SASH1: variants seen among roughly 807,000 people sequenced by gnomAD.
SASH1 encodes SAM and SH3 domain-containing protein 1.
In SASH1, 44 loss-of-function variants were observed where a neutral mutation model predicts 125.2. That is an observed-to-expected ratio of 0.35 (90% CI 0.28 to 0.45). The LOEUF is 0.45. Ranked by LOEUF, SASH1 falls within the 20% of genes least tolerant of loss-of-function variation. SASH1 has a pLI of 1.00. For missense variants in SASH1, 1,426 were observed against 1,614.5 expected, an observed-to-expected ratio of 0.88 and a Z score of 2.00; for synonymous variants, 639 against 649.1, an observed-to-expected ratio of 0.98 and a Z score of 0.24.
At chr6:148,402,524 G>T (rs902440508) in intron 2 of SASH1, among the ~76,000 whole-genome samples, 6 of 152,152 alleles carry the variant, frequency 3.9e-5, no homozygotes, top group Middle Eastern at 6.8e-3. Flanking sequence ...GGCCAGGCTG[G>T]TCTCAAACAT....
At chr6:148,249,348 A>G in the SASH1 span, among the ~76,000 whole-genome samples, 7 of 148 alleles carry the variant, frequency 0.047, no homozygotes, top group South Asian at 0.12. Flanking sequence ...GTGTGTGTGC[A>G]TGCATCACAC....
At chr6:148,437,183 G>T (rs985694909) in intron 2 of SASH1, among the ~76,000 whole-genome samples, 25 of 152,152 alleles carry the variant, frequency 1.6e-4, no homozygotes, top group Admixed American at 1.6e-3. Context: ...TTATAATAAC[G>T]GAATTTTGCC....
intron 8 of SASH1, among the ~76,000 whole-genome samples, chr6:148,507,636 G>C (rs1779876634): frequency 6.6e-6 from 1 of 152,170 alleles, no homozygotes. Flanking sequence ...TGGAATTACA[G>C]GCGTGAGCCA....
At chr6:148,428,112 T>G (rs993867854) in intron 2 of SASH1, among the ~76,000 whole-genome samples, 1 of 152,238 alleles carries the variant, frequency 6.6e-6, no homozygotes, top group African/African-American at 2.4e-5. Flanking sequence ...GTTGTCTGTC[T>G]GTACTGTAGC....
the SASH1 span, among the ~76,000 whole-genome samples, chr6:148,253,573 T>C: frequency 6.6e-6 from 1 of 151,836 alleles, no homozygotes; most frequent in East Asian, 1.9e-4. Flanking sequence ...AAAACCTTTG[T>C]ACTTTAAAAG....
the SASH1 span, among the ~76,000 whole-genome samples, chr6:148,256,255 G>A: frequency 1.3e-5 from 2 of 152,130 alleles, no homozygotes; most frequent in Non-Finnish European, 2.9e-5. Flanking sequence ...ACTCAACAAA[G>A]ATATAACTCA....
At chr6:148,257,122 T>C in the SASH1 span, among the ~76,000 whole-genome samples, 24 of 152,134 alleles carry the variant, frequency 1.6e-4, no homozygotes, top group African/African-American at 5.6e-4. Flanking sequence ...AAAGAAGTCA[T>C]TGGTGAAGTC....
chr6:148,540,761 C>A (rs368034767), intron 17 of SASH1, among the ~76,000 whole-genome samples: 2 of 152,124 alleles, frequency 1.3e-5, no homozygotes, highest in South Asian at 2.1e-4. Context: ...GTGTCAAATA[C>A]CTGCAGCTGT....
Position 148,527,167 on chromosome 6 carries a change from C to A in SASH1, c.1285-286C>A, listed in dbSNP as rs1781227111. 1.8e-5 allele frequency: 5 copies of A among 270,328 alleles called. No homozygotes were observed. In the South Asian group the frequency reaches 3.0e-4, roughly 16 times the overall value. The allele number at this position is 270,328 out of a possible 1,614,324, so 16.7% of individuals were successfully genotyped here. A position where few individuals can be genotyped will look rare whatever the true frequency, so the allele number is the denominator to read the frequency against. ...CACTCTTTACTGATGAAATGCAGCCCCCTTGGATGTTAAAAATAGTGGAAA... is the reference window on the plus strand; with the variant it reads ...CACTCTTTACTGATGAAATGCAGCCACCTTGGATGTTAAAAATAGTGGAAA... On this transcript the variant is annotated intron_variant, in intron 11 of 19. Coordinates refer to ENST00000367467, the MANE Select transcript of SASH1 (RefSeq NM_015278.5).
At chr6:148,536,261 A>G (rs540344976) in intron 16 of SASH1, among the ~76,000 whole-genome samples, 1 of 152,294 alleles carries the variant, frequency 6.6e-6, no homozygotes, top group South Asian at 2.1e-4. Flanking sequence ...TATTGTCCCG[A>G]ACCACATCTG....
rs763625187 is a variant in SASH1, at chr6:148,519,660, G to A, written c.976G>A (p.Glu326Lys). 31 of 1,613,940 alleles carry A rather than the reference G, an allele frequency of 1.9e-5. No homozygotes were observed. Among genetic ancestry groups the A allele is most frequent in the African/African-American group, 1.3e-5 (1 of 74,888 alleles). Residue 326 changes from glutamate to lysine, a missense_variant, in exon 10 of 20, where the codon GAA becomes AAA. By Grantham distance (56) the Glu-to-Lys change is moderately conservative (BLOSUM62 1). This residue lies in a region of SASH1 where 567 missense variants were observed against 575.6 expected (regional missense o/e 0.99). Coordinates refer to ENST00000367467, the MANE Select transcript of SASH1 (RefSeq NM_015278.5). This position sits in a 1 kb window ranked among gnomAD's most constrained non-coding sequence, Gnocchi z 4.8. ...TGATGGCTCTCCTGAGAAACCTCCC[G>A]AAGATGACTCAGACTCTCTCACCAC... ...FFDGSPEKPP[E>K]DDSDSLTTSP...
intron 2 of SASH1, among the ~76,000 whole-genome samples, chr6:148,429,411 A>AAAAG (rs1775969704): frequency 8.1e-6 from 1 of 122,774 alleles, no homozygotes; most frequent in African/African-American, 3.0e-5. Context: ...AAAAAAAAAA[A>AAAAG]AGAGGAAGGA....
At chr6:148,439,671 G>A (rs775276497) in intron 2 of SASH1, among the ~76,000 whole-genome samples, 2 of 152,134 alleles carry the variant, frequency 1.3e-5, no homozygotes, top group Non-Finnish European at 2.9e-5. Flanking sequence ...CAGCTACTTG[G>A]GAGGCTGAGG....
chr6:148,287,273 T>C (rs1033311239), intron 1 of SASH1, among the ~76,000 whole-genome samples: 6 of 152,224 alleles, frequency 3.9e-5, no homozygotes, highest in African/African-American at 1.4e-4. Context: ...CTATCAGTAT[T>C]CAGCGTCCTC....
intron 1 of SASH1, among the ~76,000 whole-genome samples, chr6:148,344,966 G>T (rs75366006): frequency 0.082 from 12,435 of 152,170 alleles, 779 homozygotes; most frequent in East Asian, 0.32. Context: ...ATGTTAGCCA[G>T]GCTGGTCTCG....
At chr6:148,248,338 G>C in the SASH1 span, among the ~76,000 whole-genome samples, 2 of 152,124 alleles carry the variant, frequency 1.3e-5, no homozygotes, top group Non-Finnish European at 2.9e-5. Context: ...CCAAGAGCCG[G>C]TACAAAGCTT....
intron 10 of SASH1, among the ~76,000 whole-genome samples, chr6:148,522,833 C>G (rs1780900968): frequency 6.6e-6 from 1 of 152,174 alleles, no homozygotes. Context: ...TTATGAGTCT[C>G]TTTACAGTCC....
At chr6:148,506,304 A>G (rs992611695) in intron 8 of SASH1, among the ~76,000 whole-genome samples, 4 of 151,676 alleles carry the variant, frequency 2.6e-5, no homozygotes, top group Admixed American at 1.3e-4. Context: ...GTGAAACCCC[A>G]TCTCTACTAA....
chr6:148,429,385 TAAAAAAAAAAAAAAAAA>T (rs61460366), intron 2 of SASH1, among the ~76,000 whole-genome samples: 313 of 73,946 alleles, frequency 4.2e-3, no homozygotes, highest in Non-Finnish European at 6.4e-3. Flanking sequence ...CCCTGTCTCT[TAAAAAAAAAAAAAAAAA>T]AAAAAAAAAA....
Sources: allele counts gnomAD v4.1 joint callset (sites outside exome capture counted in the v4.1 genomes callset), GRCh38; gene constraint gnomAD v4.1.1; regional missense constraint gnomAD v4.1.1; non-coding constraint Gnocchi (gnomAD v3.1); transcripts MANE v1.5; gene names NCBI Gene and HGNC (gene_info 2026-07-23, HGNC 2026-07-21).